The following VDAC1 variants were observed in gnomAD, a reference collection of about 807,000 sequenced individuals.
VDAC1 encodes the protein voltage dependent anion channel 1.
In VDAC1, 10 loss-of-function variants were observed where a neutral mutation model predicts 34.7. That is an observed-to-expected ratio of 0.29 (90% CI 0.18 to 0.49). The LOEUF is 0.49. Ranked by LOEUF, VDAC1 falls within the 20% of genes least tolerant of loss-of-function variation. The pLI is 0.99. For synonymous variants in VDAC1, 130 were observed against 136.0 expected (o/e 0.96, Z 0.30); for missense variants, 230 against 347.9 (o/e 0.66, Z 2.69).
chr5:134,069,831 C>A, the VDAC1 span, among the ~76,000 whole-genome samples: 1 of 151,986 alleles, frequency 6.6e-6, no homozygotes, highest in African/African-American at 2.4e-5. Context: ...GATAGGAGGT[C>A]GGGACAAGAT....
the VDAC1 span, among the ~76,000 whole-genome samples, chr5:134,046,118 C>T: frequency 6.6e-5 from 10 of 151,994 alleles, no homozygotes; most frequent in South Asian, 6.2e-4. Context: ...CTCCGCCTCC[C>T]GGGTTCACGC....
chr5:134,012,219 C>T, the VDAC1 span, among the ~76,000 whole-genome samples: 4 of 152,090 alleles, frequency 2.6e-5, no homozygotes, highest in Non-Finnish European at 5.9e-5. Context: ...AAGGAGGGAG[C>T]CCTGATGCCC....
chr5:134,017,641 T>C, the VDAC1 span, among the ~76,000 whole-genome samples: 6 of 152,074 alleles, frequency 3.9e-5, no homozygotes, highest in African/African-American at 1.2e-4. Flanking sequence ...AGGCTGGGCA[T>C]GGTGGCTCAC....
chr5:133,979,177 T>G (rs1199919969), intron 6 of VDAC1, among the ~76,000 whole-genome samples: 1 of 152,064 alleles, frequency 6.6e-6, no homozygotes, highest in Non-Finnish European at 1.5e-5. Flanking sequence ...CCATACCCAC[T>G]TGTTGCTTAT....
At chr5:134,000,922 T>C (rs1753526511) in intron 1 of VDAC1, among the ~76,000 whole-genome samples, 1 of 152,180 alleles carries the variant, frequency 6.6e-6, no homozygotes, top group Non-Finnish European at 1.5e-5. Context: ...AGGCATTGTT[T>C]AGCTGAACAG....
chr5:134,036,005 CAA>C, the VDAC1 span, among the ~76,000 whole-genome samples: 1,003 of 92,766 alleles, frequency 0.011, 7 homozygotes, highest in African/African-American at 0.03. Context: ...GACTCCATCT[CAA>C]AAAAAAAAAA....
At chr5:134,065,789 A>ATTTTTTTTTTTTTTTTTTTTTTTTTT in the VDAC1 span, among the ~76,000 whole-genome samples, 1 of 99,850 alleles carries the variant, frequency 1.0e-5, no homozygotes. Flanking sequence ...CAGATAGTAA[A>ATTTTTTTTTTTTTTTTTTTTTTTTTT]TTTTTTTTTT....
At chr5:134,085,690 C>A in the VDAC1 span, among the ~76,000 whole-genome samples, 1 of 116,020 alleles carries the variant, frequency 8.6e-6, no homozygotes, top group Non-Finnish European at 1.7e-5. Flanking sequence ...GAGTTTGAGA[C>A]CAGCCTGTGC....
the VDAC1 span, among the ~76,000 whole-genome samples, chr5:134,019,669 C>T: frequency 6.6e-6 from 1 of 152,186 alleles, no homozygotes; most frequent in African/African-American, 2.4e-5. Flanking sequence ...CCACATTTCT[C>T]TACCTAAGGC....
intron 5 of VDAC1, among the ~76,000 whole-genome samples, chr5:133,986,831 A>C (rs756855919): frequency 6.6e-6 from 1 of 152,208 alleles, no homozygotes; most frequent in Non-Finnish European, 1.5e-5. Flanking sequence ...TGCTCTGAAA[A>C]ACGACAGAGG....
the VDAC1 span, among the ~76,000 whole-genome samples, chr5:134,043,996 G>A: frequency 1.3e-5 from 2 of 152,106 alleles, no homozygotes; most frequent in Admixed American, 6.5e-5. Flanking sequence ...TGAAGCTGAC[G>A]CAAAGAGACG....
the VDAC1 span, among the ~76,000 whole-genome samples, chr5:134,031,954 A>C: frequency 3.4e-5 from 5 of 148,842 alleles, no homozygotes; most frequent in South Asian, 1.1e-3. Context: ...CCATCTCAAA[A>C]AAAAAAAAAA....
the VDAC1 span, among the ~76,000 whole-genome samples, chr5:134,066,718 A>G: frequency 2.0e-5 from 3 of 152,196 alleles, no homozygotes; most frequent in Non-Finnish European, 4.4e-5. Flanking sequence ...GGTGTGAGAT[A>G]GATGATGTAG....
At chr5:134,035,999 C>G in the VDAC1 span, among the ~76,000 whole-genome samples, 4 of 113,220 alleles carry the variant, frequency 3.5e-5, no homozygotes, top group East Asian at 9.8e-4. Flanking sequence ...GAGTGAGACT[C>G]CATCTCAAAA....
chr5:134,039,484 A>T, the VDAC1 span, among the ~76,000 whole-genome samples: 2 of 146,516 alleles, frequency 1.4e-5, no homozygotes, highest in Admixed American at 6.9e-5. Flanking sequence ...TCCTGCCACC[A>T]CGCCCGGCTA....
the VDAC1 span, among the ~76,000 whole-genome samples, chr5:134,010,228 A>G: frequency 2.0e-5 from 3 of 152,182 alleles, no homozygotes; most frequent in African/African-American, 7.2e-5. Context: ...ACAGCAGCCC[A>G]GGACGGAACA....
intron 7 of VDAC1, among the ~76,000 whole-genome samples, chr5:133,975,617 T>C (rs1752447289): frequency 6.6e-6 from 1 of 152,038 alleles, no homozygotes; most frequent in South Asian, 2.1e-4. Flanking sequence ...CACGCCACCA[T>C]GCCCGGCTAA....
chr5:134,022,338 G>A, the VDAC1 span, among the ~76,000 whole-genome samples: 8 of 152,288 alleles, frequency 5.3e-5, 1 homozygote, highest in South Asian at 1.7e-3. Context: ...CCACAGACTG[G>A]GTAATTTATA....
the VDAC1 span, among the ~76,000 whole-genome samples, chr5:134,074,156 C>T: frequency 6.6e-6 from 1 of 151,558 alleles, no homozygotes. Flanking sequence ...CCTAAAAATG[C>T]AAAAAATTAC....
Sources: gnomAD v4.1 joint callset for allele counts (sites outside exome capture counted in the v4.1 genomes callset) on GRCh38, gnomAD v4.1.1 for gene constraint, MANE v1.5 for transcripts, NCBI Gene and HGNC (gene_info 2026-07-23, HGNC 2026-07-21) for gene names.